The following EXOC6B variants were observed in gnomAD, a reference collection of about 807,000 sequenced individuals.
EXOC6B encodes the protein exocyst complex component 6B.
EXOC6B carries 54 observed loss-of-function variants against 113.5 expected under a neutral mutation model. The ratio of observed to expected loss-of-function variants is 0.48; its 90% CI spans 0.38 to 0.60. The LOEUF is 0.60. Ranked by LOEUF, EXOC6B falls within the 20% of genes least tolerant of loss-of-function variation. The probability of loss-of-function intolerance (pLI) is 0.00; values close to 1 mark genes in which losing one functional copy is unlikely to be tolerated. For missense variants in EXOC6B, 797 were observed against 977.5 expected, an observed-to-expected ratio of 0.82 and a Z score of 2.46; for synonymous variants, 357 against 339.0, an observed-to-expected ratio of 1.05 and a Z score of -0.58.
chr2:72,723,341 G>C (rs180899707), intron 5 of EXOC6B, among the ~76,000 whole-genome samples: 101 of 152,222 alleles, frequency 6.6e-4, no homozygotes, highest in African/African-American at 2.4e-3. Flanking sequence ...AGGAAGGCAG[G>C]GAAAGAGGTT....
chr2:72,333,675 T>C (rs1199462728), intron 20 of EXOC6B, among the ~76,000 whole-genome samples: 5 of 152,148 alleles, frequency 3.3e-5, no homozygotes, highest in Admixed American at 6.6e-5. Flanking sequence ...TGGTGAATCC[T>C]TAATGTGCAA....
chr2:72,687,339 A>G (rs1449688637), intron 6 of EXOC6B, among the ~76,000 whole-genome samples: 1 of 152,194 alleles, frequency 6.6e-6, no homozygotes, highest in Non-Finnish European at 1.5e-5. Flanking sequence ...TGTTGGCTGC[A>G]CAGCCGTATT....
At chr2:72,687,655 A>G (rs546136624) in intron 6 of EXOC6B, among the ~76,000 whole-genome samples, 1 of 152,282 alleles carries the variant, frequency 6.6e-6, no homozygotes, top group Non-Finnish European at 1.5e-5. Flanking sequence ...AAAGGCAGAA[A>G]ATGAAGCTTA....
intron 1 of EXOC6B, among the ~76,000 whole-genome samples, chr2:72,774,400 G>A (rs77324241): frequency 1.3e-5 from 2 of 151,994 alleles, no homozygotes; most frequent in Admixed American, 1.3e-4. Flanking sequence ...AAAAAATAGT[G>A]ACAACATCAA....
At chr2:72,573,108 T>C (rs1704615536) in intron 7 of EXOC6B, among the ~76,000 whole-genome samples, 2 of 152,096 alleles carry the variant, frequency 1.3e-5, no homozygotes, top group African/African-American at 4.8e-5. Context: ...GGCACAAAAA[T>C]TAAAAGGAAC....
At chr2:72,236,769 G>A (rs62147601) in intron 20 of EXOC6B, among the ~76,000 whole-genome samples, 1 of 151,926 alleles carries the variant, frequency 6.6e-6, no homozygotes, top group Non-Finnish European at 1.5e-5. Flanking sequence ...TTAATAGTGG[G>A]ACAAGCAAAG....
intron 8 of EXOC6B, among the ~76,000 whole-genome samples, chr2:72,526,052 A>T (rs1701732871): frequency 6.6e-6 from 1 of 152,098 alleles, no homozygotes; most frequent in Non-Finnish European, 1.5e-5. Flanking sequence ...GTCTTTTCTG[A>T]CCTAACTTAC....
intron 6 of EXOC6B, among the ~76,000 whole-genome samples, chr2:72,639,417 T>C (rs937294601): frequency 6.6e-6 from 1 of 152,174 alleles, no homozygotes; most frequent in Non-Finnish European, 1.5e-5. Context: ...AAAGTTGCCA[T>C]CAAGGGCCCC....
At chr2:72,200,256 T>C (rs1043542425) in intron 20 of EXOC6B, among the ~76,000 whole-genome samples, 5 of 152,240 alleles carry the variant, frequency 3.3e-5, no homozygotes, top group Admixed American at 6.5e-5. Flanking sequence ...GCCCTGGATT[T>C]GTCATTAGTA....
At chr2:72,208,109 CA>C (rs775196859) in intron 20 of EXOC6B, among the ~76,000 whole-genome samples, 3 of 152,050 alleles carry the variant, frequency 2.0e-5, no homozygotes, top group Non-Finnish European at 2.9e-5. Flanking sequence ...ATTTTAGATA[CA>C]GGGGGTATAT....
intron 6 of EXOC6B, among the ~76,000 whole-genome samples, chr2:72,652,512 T>C (rs894581118): frequency 3.3e-5 from 5 of 152,138 alleles, no homozygotes; most frequent in African/African-American, 1.2e-4. Context: ...TGTATATTGA[T>C]TATTAACATC....
At chr2:72,415,069 C>T (rs1055030679) in intron 18 of EXOC6B, among the ~76,000 whole-genome samples, 4 of 152,036 alleles carry the variant, frequency 2.6e-5, no homozygotes, top group African/African-American at 4.8e-5. Context: ...ATGATATTAA[C>T]ATTTTCTGTT....
chr2:72,287,442 AAT>A (rs1158759430), intron 20 of EXOC6B, among the ~76,000 whole-genome samples: 2 of 149,776 alleles, frequency 1.3e-5, no homozygotes, highest in African/African-American at 4.9e-5. Flanking sequence ...AAAAAAAAAA[AAT>A]AAAAATAAAA....
intron 19 of EXOC6B, among the ~76,000 whole-genome samples, chr2:72,342,844 C>T (rs752185525): frequency 1.3e-5 from 2 of 152,026 alleles, no homozygotes; most frequent in African/African-American, 2.4e-5. Flanking sequence ...CTATAGTTAC[C>T]GTATGATCCA....
At chr2:72,576,082 A>G (rs1228734020) in intron 6 of EXOC6B, among the ~76,000 whole-genome samples, 1 of 152,172 alleles carries the variant, frequency 6.6e-6, no homozygotes. Flanking sequence ...TACCACATTG[A>G]GACCATAATG....
intron 1 of EXOC6B, among the ~76,000 whole-genome samples, chr2:72,816,172 A>AT (rs1291792815): frequency 6.6e-6 from 1 of 152,204 alleles, no homozygotes; most frequent in African/African-American, 2.4e-5. Context: ...AACAAAACAA[A>AT]TAAAAAAAGA....
chr2:72,214,408 G>A (rs887336412), intron 20 of EXOC6B, among the ~76,000 whole-genome samples: 2 of 151,498 alleles, frequency 1.3e-5, no homozygotes, highest in Admixed American at 1.3e-4. Context: ...GGAGAATGGC[G>A]TGAACCTGGG....
intron 20 of EXOC6B, among the ~76,000 whole-genome samples, chr2:72,295,797 C>T (rs577037261): frequency 6.6e-6 from 1 of 152,268 alleles, no homozygotes; most frequent in South Asian, 2.1e-4. Context: ...ACATTTTAAA[C>T]TCCTTTCTAA....
At chr2:72,372,772 G>T (rs1213701511) in intron 19 of EXOC6B, among the ~76,000 whole-genome samples, 1 of 152,004 alleles carries the variant, frequency 6.6e-6, no homozygotes, top group Non-Finnish European at 1.5e-5. Flanking sequence ...TTGAACCTGG[G>T]AGGCAGAATT....
Sources: allele counts gnomAD v4.1 joint callset (sites outside exome capture counted in the v4.1 genomes callset), GRCh38; gene constraint gnomAD v4.1.1; transcripts MANE v1.5; gene names NCBI Gene and HGNC (gene_info 2026-07-23, HGNC 2026-07-21).